Variants in CADPS2 observed in about 807,000 individuals in gnomAD.
The protein encoded by CADPS2 is calcium dependent secretion activator 2, also known as calcium-dependent secretion activator 2.
CADPS2 carries 93 observed loss-of-function variants against 172.5 expected under a neutral mutation model. That is an observed-to-expected ratio of 0.54 (90% CI 0.46 to 0.64). CADPS2 has a LOEUF of 0.64. CADPS2 is among the 30% of genes least tolerant of loss of function. CADPS2 has a pLI of 0.00. For missense variants in CADPS2, 1,420 were observed against 1,565.9 expected (o/e 0.91, Z 1.57); for synonymous variants, 546 against 555.2 (o/e 0.98, Z 0.23).
chr7:122,614,731 C>G (rs1272830655), intron 6 of CADPS2, among the ~76,000 whole-genome samples: 1 of 152,188 alleles, frequency 6.6e-6, no homozygotes. Flanking sequence ...AACTGCTTCT[C>G]TAGCCCGCTC....
At chr7:122,879,989 ATTACT>A (rs1822444182) in intron 1 of CADPS2, among the ~76,000 whole-genome samples, 1 of 152,244 alleles carries the variant, frequency 6.6e-6, no homozygotes, top group Non-Finnish European at 1.5e-5. Flanking sequence ...AATTACTTTA[ATTACT>A]TTAATAAGTC....
chr7:122,636,053 C>A (rs1165010442), intron 3 of CADPS2, among the ~76,000 whole-genome samples: 1 of 152,092 alleles, frequency 6.6e-6, no homozygotes, highest in African/African-American at 2.4e-5. Flanking sequence ...TTTTATCTAG[C>A]CTGCCACTCT....
At chr7:122,397,744 C>T (rs1017993381) in intron 20 of CADPS2, among the ~76,000 whole-genome samples, 1 of 152,040 alleles carries the variant, frequency 6.6e-6, no homozygotes, top group African/African-American at 2.4e-5. Context: ...TGATTTGGGG[C>T]TGTCACCTGT....
intron 2 of CADPS2, among the ~76,000 whole-genome samples, chr7:122,733,019 T>C (rs2091835838): frequency 6.6e-6 from 1 of 150,718 alleles, no homozygotes; most frequent in African/African-American, 2.4e-5. Flanking sequence ...TTATTAATAG[T>C]TGACAACAGC....
chr7:122,852,712 G>A (rs1053461988), intron 1 of CADPS2, among the ~76,000 whole-genome samples: 9 of 152,170 alleles, frequency 5.9e-5, no homozygotes, highest in Non-Finnish European at 1.0e-4. Flanking sequence ...GCAAGGGGGA[G>A]AGGTGGGAGG....
chr7:122,565,668 A>T (rs1024805930), intron 7 of CADPS2, among the ~76,000 whole-genome samples: 1 of 152,168 alleles, frequency 6.6e-6, no homozygotes, highest in Admixed American at 6.5e-5. Flanking sequence ...ACCACTGCTA[A>T]AGGCAACAGA....
At chr7:122,454,027 G>T (rs1177990813) in intron 14 of CADPS2, among the ~76,000 whole-genome samples, 1 of 152,052 alleles carries the variant, frequency 6.6e-6, no homozygotes, top group Non-Finnish European at 1.5e-5. Flanking sequence ...TGAATATTAG[G>T]CATAAGAAGC....
At chr7:122,439,454 T>C (rs2051070117) in intron 16 of CADPS2, 1 of 152,186 alleles carries the variant, frequency 6.6e-6, no homozygotes, top group Admixed American at 6.6e-5. Flanking sequence ...GAAAGGAATA[T>C]TGAAAGAATA....
intron 18 of CADPS2, 76 bp downstream of exon 18, chr7:122,415,985 C>A: frequency 1.2e-6 from 1 of 835,638 alleles, no homozygotes; most frequent in Non-Finnish European, 1.8e-6. Flanking sequence ...TATGGGCAGG[C>A]CACTTATTCA....
chr7:122,706,382 A>G (rs1258558271), intron 2 of CADPS2, among the ~76,000 whole-genome samples: 5 of 110,698 alleles, frequency 4.5e-5, no homozygotes, highest in African/African-American at 1.7e-4. Flanking sequence ...ATATATATAT[A>G]TGCTTATATA....
chr7:122,551,433 C>T (rs1563676786), intron 8 of CADPS2, among the ~76,000 whole-genome samples: 1 of 151,882 alleles, frequency 6.6e-6, no homozygotes, highest in South Asian at 2.1e-4. Context: ...GTTGAGAACA[C>T]ACAGAAAAAT....
chr7:122,639,205 C>T lies in CADPS2; in HGVS notation c.787-9877G>A, dbSNP rs1259176038. On this transcript the variant is annotated intron_variant, in intron 3 of 29. Transcript: ENST00000449022. ...TGAAGGGGATAAATTAGTTGGTTAA[C>T]GTTCTTTTTTACATGTAAGAATCTT... Among the ~76,000 whole-genome samples the T allele has an allele frequency of 3.9e-5, 6 of 152,074 alleles. No homozygotes were observed. The East Asian group carries it at 1.2e-3, about 29-fold the overall frequency.
intron 29 of CADPS2, among the ~76,000 whole-genome samples, chr7:122,320,720 T>C (rs1260792413): frequency 2.0e-5 from 3 of 152,200 alleles, no homozygotes; most frequent in African/African-American, 7.2e-5. Context: ...CCTTTAATAC[T>C]GAAAAATACA....
chr7:122,594,292 A>G (rs1404316288), intron 6 of CADPS2, among the ~76,000 whole-genome samples: 1 of 151,966 alleles, frequency 6.6e-6, no homozygotes, highest in Non-Finnish European at 1.5e-5. Flanking sequence ...AAAAATTACA[A>G]GAAGAGACAA....
At chr7:122,655,771 A>G (rs967290992) in intron 3 of CADPS2, among the ~76,000 whole-genome samples, 3 of 152,248 alleles carry the variant, frequency 2.0e-5, no homozygotes, top group African/African-American at 7.2e-5. Context: ...TAAAATAATT[A>G]TTATTATATG....
chr7:122,414,809 CCTGTAGTTT>C (rs1271013729), intron 18 of CADPS2, among the ~76,000 whole-genome samples: 1 of 152,122 alleles, frequency 6.6e-6, no homozygotes, highest in Non-Finnish European at 1.5e-5. Context: ...AAATGTAGTT[CCTGTAGTTT>C]CTTAGATTTT....
chr7:122,514,321 C>T (rs777239779), intron 8 of CADPS2, among the ~76,000 whole-genome samples: 10 of 151,870 alleles, frequency 6.6e-5, no homozygotes, highest in Non-Finnish European at 1.3e-4. Context: ...ATATACAATT[C>T]TGAGTGATTT....
chr7:122,387,426 A>C (rs1042820171), intron 23 of CADPS2, among the ~76,000 whole-genome samples: 2 of 152,056 alleles, frequency 1.3e-5, no homozygotes, highest in Non-Finnish European at 2.9e-5. Context: ...ACCCAAATGA[A>C]GCTTTTTGTT....
chr7:122,438,102 G>A (rs1222196764), intron 17 of CADPS2, among the ~76,000 whole-genome samples: 3 of 151,940 alleles, frequency 2.0e-5, no homozygotes, highest in African/African-American at 7.3e-5. Flanking sequence ...CTCAAAATAA[G>A]AACAAAGGAC....
Sources: allele counts gnomAD v4.1 joint callset (sites outside exome capture counted in the v4.1 genomes callset), GRCh38; gene constraint gnomAD v4.1.1; transcripts MANE v1.5; gene names NCBI Gene and HGNC (gene_info 2026-07-23, HGNC 2026-07-21).